EEPD1: variants seen among roughly 807,000 people sequenced by gnomAD.
The protein encoded by EEPD1 is endonuclease/exonuclease/phosphatase family domain containing 1.
In EEPD1, 17 loss-of-function variants were observed where a neutral mutation model predicts 46.3. That is an observed-to-expected ratio of 0.37 (90% CI 0.25 to 0.55). The LOEUF (loss-of-function observed/expected upper bound fraction) is 0.55. Among genes scored for constraint, EEPD1 ranks in the 20% least tolerant of loss-of-function variants. The pLI, the probability that EEPD1 is intolerant of heterozygous loss-of-function variation, is 0.83. For synonymous variants in EEPD1, 313 were observed against 315.6 expected, an observed-to-expected ratio of 0.99 and a Z score of 0.09; for missense variants, 673 against 745.6, an observed-to-expected ratio of 0.90 and a Z score of 1.13.
chr7:36,166,544 G>T (rs1731551924), intron 2 of EEPD1, among the ~76,000 whole-genome samples: 2 of 151,474 alleles, frequency 1.3e-5, no homozygotes, highest in Admixed American at 1.3e-4. Context: ...GACATAGCGA[G>T]ACCCCTTCTC....
chr7:36,224,369 A>T (rs1225481378), intron 2 of EEPD1, among the ~76,000 whole-genome samples: 1 of 152,204 alleles, frequency 6.6e-6, no homozygotes, highest in Non-Finnish European at 1.5e-5. Flanking sequence ...GTGGATAGAA[A>T]ACGGGCCGAC....
rs1305515482 is a variant in EEPD1 at position 36,297,186 on chromosome 7, A to C, written c.1509A>C (p.Thr503=). 1 of 1,613,890 alleles carries C rather than the reference A, an allele frequency of 6.2e-7. No homozygotes were observed. Among genetic ancestry groups the C allele is most frequent in the Admixed American group, 1.7e-5 (1 of 59,984 alleles). ...GTAAAAGCTTAAAGAAGGTTTTCAC[A>C]GGTGAGGCAGAACTCACTTGTCCTT... ...WISKSLKKVF[T]GHWAVVREGL... The change falls in exon 7 of 8, where the codon ACA becomes ACC. Residue 503 remains threonine (T), a splice_region_variant and synonymous_variant. Coordinates refer to ENST00000242108, the MANE Select transcript of EEPD1 (RefSeq NM_030636.3).
At chr7:36,230,062 T>C (rs910476554) in intron 2 of EEPD1, among the ~76,000 whole-genome samples, 1 of 152,066 alleles carries the variant, frequency 6.6e-6, no homozygotes, top group African/African-American at 2.4e-5. Flanking sequence ...GCTCCCTAAG[T>C]AGATGATCCC....
chr7:36,280,338 T>C (rs1355762182), intron 3 of EEPD1, among the ~76,000 whole-genome samples: 1 of 152,140 alleles, frequency 6.6e-6, no homozygotes. Flanking sequence ...GCCAAGAGGC[T>C]CTCACTCGTA....
At chr7:36,222,135 C>T (rs11983103) in intron 2 of EEPD1, among the ~76,000 whole-genome samples, 75,690 of 152,072 alleles carry the variant, frequency 0.5, 20,611 homozygotes, top group Admixed American at 0.62. Context: ...TTTTGACTCC[C>T]CCAAAACATA....
chr7:36,217,256 G>T (rs547784803), intron 2 of EEPD1, among the ~76,000 whole-genome samples: 2 of 152,380 alleles, frequency 1.3e-5, no homozygotes, highest in Admixed American at 1.3e-4. Context: ...AGGGAAAGAG[G>T]TGGGCAATTC....
Position 36,249,999 on chromosome 7 carries a change from A to T in EEPD1, c.930+10963A>T, listed in dbSNP as rs1442643651. On this transcript the variant is annotated intron_variant, in intron 3 of 7. Transcript: ENST00000242108. ...TTTGGGAGGCTGAGGCAGGAGGATC[A>T]CTTGAGCCCAGGAGTTGGAGACCAG... Among the ~76,000 whole-genome samples the T allele has an allele frequency of 7.9e-5, 12 of 152,194 alleles. 1 individual carries two copies. Among genetic ancestry groups the T allele is most frequent in the Non-Finnish European group, 2.9e-5 (2 of 68,030 alleles).
In EEPD1 at chr7:36,300,297, C is replaced by T. The variant is rs1787599758; in HGVS notation, c.*1091C>T. The T allele has an allele frequency of 1.3e-5, 2 of 152,236 alleles. No individual in the cohort carries two copies. Among genetic ancestry groups the T allele is most frequent in the African/African-American group, 4.8e-5 (2 of 41,442 alleles). The allele number at this position is 152,236 out of a possible 1,614,324, so 9.4% of individuals were successfully genotyped here. On this transcript the variant is annotated 3_prime_UTR_variant, in exon 8 of 8. Coordinates refer to ENST00000242108, the MANE Select transcript of EEPD1 (RefSeq NM_030636.3). The stretch of plus-strand genomic sequence containing the variant: ...CGTGCCTGCCACTAGGCATCTGCAT[C>T]CCCGAGCCCAAGCCAGGAGGGATTT...
chr7:36,277,148 G>C (rs1050257845), intron 3 of EEPD1, among the ~76,000 whole-genome samples: 1 of 152,248 alleles, frequency 6.6e-6, no homozygotes, highest in Non-Finnish European at 1.5e-5. Flanking sequence ...AGATTCAGTA[G>C]AGGGGGCCAG....
intron 3 of EEPD1, among the ~76,000 whole-genome samples, chr7:36,277,291 G>A (rs1787196314): frequency 6.6e-6 from 1 of 152,210 alleles, no homozygotes; most frequent in Non-Finnish European, 1.5e-5. Flanking sequence ...TTGAGCTTGG[G>A]CTTAACCTTT....
intron 2 of EEPD1, among the ~76,000 whole-genome samples, chr7:36,199,948 G>A (rs1348194337): frequency 6.6e-6 from 1 of 152,172 alleles, no homozygotes; most frequent in Non-Finnish European, 1.5e-5. Context: ...CTGGCCCTAT[G>A]TAGGCATTTA....
rs369455546 is a variant in EEPD1, at chr7:36,154,684, G to A, written c.360G>A (p.Ala120=). 27 of 1,613,316 alleles carry A rather than the reference G, an allele frequency of 1.7e-5. No individual in the cohort carries two copies. Among genetic ancestry groups the A allele is most frequent in the Non-Finnish European group, 2.2e-5 (26 of 1,179,950 alleles). The change falls in exon 2 of 8, where the codon GCG becomes GCA. Residue 120 remains alanine (A), a synonymous_variant. Transcript: ENST00000242108. The surrounding 1 kb of genome is among the most constrained non-coding windows in gnomAD (Gnocchi z 4.2). ...GTTCCCTGCGGCGGGACCTGCTAGC[G>A]GAGCAGCAGCCTCACCACCTGGCCA... ...SPSSLRRDLL[A]EQQPHHLATA...
intron 2 of EEPD1, among the ~76,000 whole-genome samples, chr7:36,172,895 G>A (rs538420332): frequency 9.9e-5 from 15 of 152,028 alleles, no homozygotes; most frequent in African/African-American, 2.9e-4. Flanking sequence ...TCTGAAGGCT[G>A]GGGGGTGGGG....
chr7:36,297,053 A>C lies in EEPD1; in HGVS notation c.1376A>C (p.Asp459Ala). Residue 459 changes from aspartate to alanine, a missense_variant, in exon 7 of 8, where the codon GAT (aspartate) becomes GCT (alanine). By Grantham distance (126) the Asp-to-Ala change is moderately radical. Coordinates refer to ENST00000242108, the MANE Select transcript of EEPD1 (RefSeq NM_030636.3). ...CAAGGGCCAGACAGCAATGACTATG[A>C]TATCCTGAGGAAAGAAAAGTTCCAC... ...FGQGPDSNDY[D>A]ILRKEKFHHL... The C allele has an allele frequency of 6.2e-7, 1 of 1,614,234 alleles. No homozygotes were observed. The highest frequency in any genetic ancestry group is 8.5e-7 in the Non-Finnish European group (1 of 1,180,034).
intron 3 of EEPD1, among the ~76,000 whole-genome samples, chr7:36,266,378 G>A (rs907422539): frequency 3.9e-5 from 6 of 152,092 alleles, no homozygotes; most frequent in African/African-American, 7.2e-5. Context: ...AATCCTCGCA[G>A]TCTAGAGGCA....
chr7:36,202,171 A>G (rs1785722260), intron 2 of EEPD1, among the ~76,000 whole-genome samples: 1 of 152,154 alleles, frequency 6.6e-6, no homozygotes, highest in Non-Finnish European at 1.5e-5. Context: ...TCCACAGTGG[A>G]GGCTGAATAG....
intron 7 of EEPD1, among the ~76,000 whole-genome samples, chr7:36,298,773 C>A (rs1207376754): frequency 6.6e-6 from 1 of 152,258 alleles, no homozygotes; most frequent in Non-Finnish European, 1.5e-5. Context: ...GGCCTGGCCT[C>A]TGGGTGTTTT....
At chr7:36,231,956 T>TTA (rs1386419473) in intron 2 of EEPD1, among the ~76,000 whole-genome samples, 1 of 152,142 alleles carries the variant, frequency 6.6e-6, no homozygotes, top group African/African-American at 2.4e-5. Flanking sequence ...ATCAGGACAG[T>TTA]TATATAACAG....
intron 2 of EEPD1, among the ~76,000 whole-genome samples, chr7:36,198,337 G>GAAAAAAAAAAAA (rs1785646235): frequency 2.4e-4 from 5 of 21,130 alleles, no homozygotes; most frequent in East Asian, 1.9e-3. Context: ...AAAAAAAAAA[G>GAAAAAAAAAAAA]AAAAGAAAAA....
Sources: allele counts gnomAD v4.1 joint callset (sites outside exome capture counted in the v4.1 genomes callset), GRCh38; gene constraint gnomAD v4.1.1; non-coding constraint Gnocchi (gnomAD v3.1); transcripts MANE v1.5; gene names NCBI Gene and HGNC (gene_info 2026-07-23, HGNC 2026-07-21).